FRMPD2: variants seen among roughly 807,000 people sequenced by gnomAD.
FRMPD2 encodes the protein FERM and PDZ domain-containing protein 2.
A neutral mutation model predicts 140.1 loss-of-function variants in FRMPD2; 96 were observed. The ratio of observed to expected loss-of-function variants is 0.69; its 90% CI spans 0.58 to 0.81. The LOEUF (loss-of-function observed/expected upper bound fraction) is 0.81. Ranked by LOEUF, FRMPD2 falls within the 40% of genes least tolerant of loss-of-function variation. The pLI, the probability that FRMPD2 is intolerant of heterozygous loss-of-function variation, is 0.00. For missense variants in FRMPD2, 1,240 were observed against 1,447.4 expected (o/e 0.86, Z 2.32); for synonymous variants, 449 against 547.6 (o/e 0.82, Z 2.52).
chr10:48,162,980 C>T (rs1474470879), intron 28 of FRMPD2, among the ~76,000 whole-genome samples: 13 of 138,168 alleles, frequency 9.4e-5, no homozygotes, highest in East Asian at 8.8e-4. Flanking sequence ...GCAATAGAAA[C>T]GAGGATGCAT....
At chr10:48,192,566 G>C (rs1838853463) in intron 16 of FRMPD2, 118 bp downstream of exon 16, 5 of 918,318 alleles carry the variant, frequency 5.4e-6, no homozygotes, top group Non-Finnish European at 6.6e-6. Context: ...CTCCAGCCTG[G>C]GCAACAAGAG....
intron 3 of FRMPD2, among the ~76,000 whole-genome samples, chr10:48,248,103 C>T (rs1216061493): frequency 6.6e-6 from 1 of 152,210 alleles, no homozygotes; most frequent in Non-Finnish European, 1.5e-5. Flanking sequence ...GCTCCCATTC[C>T]AGAATGCCTC....
chr10:48,222,640 G>A (rs556618451), intron 11 of FRMPD2, among the ~76,000 whole-genome samples, 189 bp from the exon 12 acceptor site: 4 of 152,182 alleles, frequency 2.6e-5, no homozygotes, highest in Admixed American at 6.5e-5. Flanking sequence ...CCTGCCCCTC[G>A]TTTAGGGCCA....
chr10:48,231,959 A>G lies in FRMPD2; in HGVS notation c.1168+156T>C, dbSNP rs989443409. ...CTTGCTTGATGCTTTATCCATGAGT[A>G]CTTGAAGCCCTCGTCATGCTGACTA... On this transcript the variant is annotated intron_variant, in intron 10 of 28. Transcript: ENST00000374201. Among the ~76,000 whole-genome samples, 98 of 152,188 alleles carry G rather than the reference A, an allele frequency of 6.4e-4. 1 individual carries two copies. The highest frequency in any genetic ancestry group is 7.2e-4 in the Admixed American group (11 of 15,286).
In FRMPD2 at chr10:48,242,348, A is replaced by AGGGGCTGGAGGCAGAC. The variant is rs1840139164; in HGVS notation, c.376-12_379dup (p.Leu127ArgfsTer21). On this transcript the variant is annotated frameshift_variant, in exon 5 of 29. Transcript: ENST00000374201. LOFTEE classifies it high-confidence loss of function. ...GGAGTGCAGGGGCTCGCAGAGCTGC[A>AGGGGCTGGAGGCAGAC]GGGGCTGGAGGCAGACAGGGCCGGT... is the stretch of plus-strand genomic sequence containing the variant. 6.2e-7 allele frequency: 1 copy of AGGGGCTGGAGGCAGAC among 1,611,848 alleles called. No homozygotes were observed. Among genetic ancestry groups the AGGGGCTGGAGGCAGAC allele is most frequent in the Non-Finnish European group, 8.5e-7 (1 of 1,178,556 alleles).
rs758796530 is a variant in FRMPD2, at chr10:48,223,235, A to G, written c.1204T>C (p.Leu402=). Residue 402 remains leucine (L), a synonymous_variant, in exon 11 of 29, where the codon TTG becomes CTG. Coordinates refer to ENST00000374201, the MANE Select transcript of FRMPD2 (RefSeq NM_001018071.4). Reference sequence around the variant, plus strand: ...CAGCCTTCAGGAGCTATTTTGCACAATCTGGTTTCACTGTCCAGGAAAAAG... The same window carrying G: ...CAGCCTTCAGGAGCTATTTTGCACAGTCTGGTTTCACTGTCCAGGAAAAAG... ...EFFFLDSETR[L]CKIAPEGWRE... The G allele has an allele frequency of 5.0e-6, 8 of 1,613,850 alleles. No individual in the cohort carries two copies. The highest frequency in any genetic ancestry group is 6.8e-6 in the Non-Finnish European group (8 of 1,179,888).
chr10:48,183,838 T>TGA lies in FRMPD2; in HGVS notation c.2584+726_2584+727dup, dbSNP rs1163863038. 9.0e-5 allele frequency among the ~76,000 whole-genome samples: 3 copies of TGA among 33,242 alleles called. No individual in the cohort carries two copies. In the East Asian group the frequency reaches 2.0e-3, roughly 22 times the overall value. The allele number at this position is 33,242 out of a possible 152,430, so 21.8% of individuals were successfully genotyped here. ...TTGCACTCCATCCTGGGTGAAAGAG[T>TGA]GAGACTCCATCTCAAAAAAAAAAAA... On this transcript the variant is annotated intron_variant, in intron 20 of 28. Coordinates refer to ENST00000374201, the MANE Select transcript of FRMPD2 (RefSeq NM_001018071.4).
intron 1 of FRMPD2, among the ~76,000 whole-genome samples, chr10:48,264,085 A>T (rs955950209): frequency 2.0e-5 from 3 of 151,994 alleles, no homozygotes; most frequent in Admixed American, 2.0e-4. Context: ...AAAATCCAAC[A>T]GCAAATCATG....
chr10:48,219,235 T>C (rs1248101669), intron 12 of FRMPD2, among the ~76,000 whole-genome samples: 1 of 71,550 alleles, frequency 1.4e-5, no homozygotes, highest in Admixed American at 1.1e-4. Context: ...TCTTTCTTTC[T>C]TTTTTTTTTT....
chr10:48,253,349 A>C (rs879793142), intron 1 of FRMPD2, among the ~76,000 whole-genome samples: 1 of 152,236 alleles, frequency 6.6e-6, no homozygotes, highest in African/African-American at 2.4e-5. Flanking sequence ...ATAAACTTTC[A>C]TGGAGGAAAA....
At chr10:48,212,608 T>C (rs1372326647) in intron 12 of FRMPD2, among the ~76,000 whole-genome samples, 1 of 152,138 alleles carries the variant, frequency 6.6e-6, no homozygotes, top group Admixed American at 6.5e-5. Flanking sequence ...CATTTCTGTC[T>C]ACATGCACTC....
At chr10:48,164,262 G>A (rs1653740290) in intron 27 of FRMPD2, among the ~76,000 whole-genome samples, 2 of 151,168 alleles carry the variant, frequency 1.3e-5, no homozygotes, top group South Asian at 2.1e-4. Context: ...AACCTGCTGG[G>A]TTCTCTGATT....
intron 28 of FRMPD2, among the ~76,000 whole-genome samples, chr10:48,161,635 T>A (rs1234054051): frequency 6.6e-6 from 1 of 151,384 alleles, no homozygotes; most frequent in Non-Finnish European, 1.5e-5. Flanking sequence ...AGGAAGAACC[T>A]TCTGATCAGT....
chr10:48,267,532 C>T (rs912954903), intron 1 of FRMPD2, among the ~76,000 whole-genome samples: 5 of 152,056 alleles, frequency 3.3e-5, no homozygotes, highest in South Asian at 2.1e-4. Context: ...AGACAATCCA[C>T]GGAATGGCAG....
chr10:48,237,488 C>T (rs1172668550), intron 8 of FRMPD2, among the ~76,000 whole-genome samples: 3 of 152,162 alleles, frequency 2.0e-5, no homozygotes, highest in African/African-American at 7.2e-5. Context: ...TGGAGCTCAG[C>T]TCAGTCAAGG....
chr10:48,226,215 A>T (rs11101266), intron 10 of FRMPD2, among the ~76,000 whole-genome samples: 33,208 of 152,082 alleles, frequency 0.22, 3,934 homozygotes, highest in African/African-American at 0.31. Context: ...ACATATTTCA[A>T]TTGGCATCTT....
At chr10:48,207,140 CTTTTTT>C (rs72320753) in intron 13 of FRMPD2, among the ~76,000 whole-genome samples, 2 of 141,288 alleles carry the variant, frequency 1.4e-5, no homozygotes, top group Non-Finnish European at 3.1e-5. Flanking sequence ...TAGAATTTTC[CTTTTTT>C]TTTTTTTTTG....
Position 48,242,060 on chromosome 10 carries a change from T to A in FRMPD2, c.567+101A>T, listed in dbSNP as rs1170567087. On this transcript the variant is annotated intron_variant, in intron 5 of 28. Coordinates refer to ENST00000374201, the MANE Select transcript of FRMPD2 (RefSeq NM_001018071.4). The stretch of plus-strand genomic sequence containing the variant: ...TGACAGATGTGACTGATTAATTTAA[T>A]TTTTTATTTTATTTTAGTTAATGAT... 4 of 863,438 alleles carry A rather than the reference T, an allele frequency of 4.6e-6. No homozygotes were observed. The African/African-American group carries it at 6.8e-5, about 15-fold the overall frequency. 53.5% of individuals were successfully genotyped at this position (863,438 alleles called of 1,614,324 possible).
In FRMPD2 at chr10:48,237,696, A is replaced by C. The variant is rs376156260; in HGVS notation, c.921+295T>G. On this transcript the variant is annotated intron_variant, in intron 8 of 28. Coordinates refer to ENST00000374201, the MANE Select transcript of FRMPD2 (RefSeq NM_001018071.4). ...TGCCTTGTCAGTTCTCGAATCATGT[A>C]GCACGCTCTGCCACCACCCTGCGCA... Among the ~76,000 whole-genome samples the C allele has an allele frequency of 1.2e-4, 19 of 152,232 alleles. No individual in the cohort carries two copies. In the East Asian group the frequency reaches 3.1e-3, roughly 25 times the overall value.
Sources: allele counts gnomAD v4.1 joint callset (sites outside exome capture counted in the v4.1 genomes callset), GRCh38; gene constraint gnomAD v4.1.1; transcripts MANE v1.5; gene names NCBI Gene and HGNC (gene_info 2026-07-23, HGNC 2026-07-21).